The following SYNPO2 variants were observed in gnomAD, a reference collection of about 807,000 sequenced individuals.
SYNPO2 encodes synaptopodin-2.
SYNPO2 carries 56 observed loss-of-function variants against 85.0 expected under a neutral mutation model. The ratio of observed to expected loss-of-function variants is 0.66; its 90% CI spans 0.53 to 0.82. SYNPO2 has a LOEUF of 0.82. Among genes scored for constraint, SYNPO2 ranks in the 40% least tolerant of loss-of-function variants. The pLI is 0.00. For missense variants in SYNPO2, 1,575 were observed against 1,534.2 expected, an observed-to-expected ratio of 1.03 and a Z score of -0.44; for synonymous variants, 602 against 591.1, an observed-to-expected ratio of 1.02 and a Z score of -0.27.
chr4:118,989,109 T>C (rs1736321514), intron 1 of SYNPO2, among the ~76,000 whole-genome samples: 1 of 152,228 alleles, frequency 6.6e-6, no homozygotes, highest in Non-Finnish European at 1.5e-5. Flanking sequence ...CTTAACTGCA[T>C]ACTTTAATGT....
chr4:118,918,876 A>T (rs1310118371), intron 1 of SYNPO2, among the ~76,000 whole-genome samples: 1 of 152,214 alleles, frequency 6.6e-6, no homozygotes, highest in African/African-American at 2.4e-5. Flanking sequence ...TAATGCAATG[A>T]CTATTTTAGA....
At chr4:118,991,168 G>A (rs902909966) in intron 1 of SYNPO2, among the ~76,000 whole-genome samples, 1 of 151,948 alleles carries the variant, frequency 6.6e-6, no homozygotes, top group African/African-American at 2.4e-5. Flanking sequence ...TATTTTTTGA[G>A]ACGGAGTCTT....
chr4:119,031,393 C>T lies in SYNPO2; in HGVS notation c.2618C>T (p.Ala873Val), dbSNP rs775836528. 6.2e-6 allele frequency: 10 copies of T among 1,614,016 alleles called. No homozygotes were observed. The Admixed American group carries it at 6.7e-5, about 11-fold the overall frequency. The change falls in exon 4 of 5, where the codon GCT becomes GTT. Residue 873 changes from alanine to valine, a missense_variant. Ala to Val is a moderately conservative substitution (Grantham distance 64, BLOSUM62 0). This residue lies in a region of SYNPO2 where 1,508 missense variants were observed against 1,446.8 expected (regional missense o/e 1.04). Coordinates refer to ENST00000307142, the MANE Select transcript of SYNPO2 (RefSeq NM_133477.3). ...NELPGMSGRG[A>V]QLFAKRQSRM... ...CTTCCAGGAATGAGTGGGAGAGGAG[C>T]TCAGCTCTTTGCTAAAAGGCAGTCG... is the stretch of plus-strand genomic sequence containing the variant.
At chr4:119,048,600 A>G (rs907917448) in intron 4 of SYNPO2, among the ~76,000 whole-genome samples, 2 of 152,194 alleles carry the variant, frequency 1.3e-5, no homozygotes, top group Non-Finnish European at 2.9e-5. Flanking sequence ...TGCCAAGCTG[A>G]GTGATCATGT....
At chr4:118,871,618 G>C (rs993813510) in intron 1 of SYNPO2, among the ~76,000 whole-genome samples, 2 of 148,424 alleles carry the variant, frequency 1.3e-5, no homozygotes, top group African/African-American at 5.0e-5. Context: ...ACCCAGGCTG[G>C]AGTGCAGTGG....
At chr4:118,879,178 C>T (rs984408987) in intron 1 of SYNPO2, among the ~76,000 whole-genome samples, 1 of 152,164 alleles carries the variant, frequency 6.6e-6, no homozygotes, top group Admixed American at 6.5e-5. Flanking sequence ...AAACTCTGCA[C>T]ACACCATCTT....
chr4:118,999,057 C>G (rs1560961960), intron 1 of SYNPO2, among the ~76,000 whole-genome samples: 1 of 152,208 alleles, frequency 6.6e-6, no homozygotes, highest in African/African-American at 2.4e-5. Flanking sequence ...GATTTAACAG[C>G]CTTTACCTCT....
intron 1 of SYNPO2, among the ~76,000 whole-genome samples, chr4:118,929,111 G>C (rs1371110804): frequency 6.6e-6 from 1 of 151,490 alleles, no homozygotes; most frequent in Non-Finnish European, 1.5e-5. Flanking sequence ...AAGATGTATA[G>C]AAAGAGATAA....
chr4:119,003,737 C>A (rs1232404077), intron 1 of SYNPO2, among the ~76,000 whole-genome samples: 2 of 152,040 alleles, frequency 1.3e-5, no homozygotes, highest in Non-Finnish European at 2.9e-5. Context: ...AACTGATGTC[C>A]TTGGCTCTCT....
At chr4:118,885,469 C>CTTTTTT (rs200816127), upstream of SYNPO2, among the ~76,000 whole-genome samples, 2 of 140,930 alleles carry the variant, frequency 1.4e-5, no homozygotes, top group Non-Finnish European at 1.5e-5. Context: ...ATCCATAGGT[C>CTTTTTT]TTTTTTTTTT....
chr4:118,900,056 C>T (rs752767067), intron 1 of SYNPO2, among the ~76,000 whole-genome samples: 5 of 152,150 alleles, frequency 3.3e-5, no homozygotes, highest in African/African-American at 7.2e-5. Flanking sequence ...GCCACCGCAC[C>T]CGGCCTGCTG....
At chr4:118,976,748 C>T (rs1398320319) in intron 1 of SYNPO2, among the ~76,000 whole-genome samples, 15 of 151,680 alleles carry the variant, frequency 9.9e-5, no homozygotes, top group Admixed American at 3.3e-4. Context: ...AGGGTGCTGA[C>T]TGGTGTGTTT....
intron 1 of SYNPO2, chr4:119,006,172 T>C (rs564403145): frequency 6.5e-6 from 1 of 153,154 alleles, no homozygotes; most frequent in Non-Finnish European, 1.5e-5. Flanking sequence ...GTTGGTGTCC[T>C]AACCCTGGCT....
intron 1 of SYNPO2, among the ~76,000 whole-genome samples, chr4:118,862,243 T>A (rs1731623329): frequency 6.6e-6 from 1 of 152,208 alleles, no homozygotes; most frequent in Non-Finnish European, 1.5e-5. Flanking sequence ...TGGAGTCTAG[T>A]TTTTTCCAAG....
At chr4:119,028,666 G>A (rs1738082215) in intron 3 of SYNPO2, among the ~76,000 whole-genome samples, 1 of 151,994 alleles carries the variant, frequency 6.6e-6, no homozygotes, top group Non-Finnish European at 1.5e-5. Flanking sequence ...GTAAATGCCT[G>A]TAATCATATT....
chr4:119,057,340 G>A (rs1739236961), intron 4 of SYNPO2, 61 bp from the exon 5 acceptor site: 1 of 1,462,178 alleles, frequency 6.8e-7, no homozygotes. Flanking sequence ...GGAATACTTT[G>A]GAGTAACAAT....
intron 1 of SYNPO2, among the ~76,000 whole-genome samples, chr4:118,866,689 A>T (rs1307223369): frequency 6.6e-6 from 1 of 152,092 alleles, no homozygotes; most frequent in Non-Finnish European, 1.5e-5. Context: ...TGTTCTCATG[A>T]TAGAGTTTCC....
At chr4:118,859,577 A>G (rs1330807673) in intron 1 of SYNPO2, among the ~76,000 whole-genome samples, 1 of 151,946 alleles carries the variant, frequency 6.6e-6, no homozygotes. Flanking sequence ...CCCTGCCACT[A>G]CCCTTCCCAG....
At chr4:118,973,097 TTG>T (rs1301647374) in intron 1 of SYNPO2, among the ~76,000 whole-genome samples, 1 of 152,182 alleles carries the variant, frequency 6.6e-6, no homozygotes, top group African/African-American at 2.4e-5. Context: ...CATAGTCCCA[TTG>T]TAAGTTGAGG....
Sources: allele counts gnomAD v4.1 joint callset (sites outside exome capture counted in the v4.1 genomes callset), GRCh38; gene constraint gnomAD v4.1.1; regional missense constraint gnomAD v4.1.1; transcripts MANE v1.5; gene names NCBI Gene and HGNC (gene_info 2026-07-23, HGNC 2026-07-21).